MPDZ: variants seen among roughly 807,000 people sequenced by gnomAD.
The protein encoded by MPDZ is multiple PDZ domain crumbs cell polarity complex component, also known as multiple PDZ domain protein.
Under a neutral mutation model 239.1 loss-of-function variants are expected in MPDZ, and 234 were observed. The observed-to-expected ratio is 0.98, with a 90% confidence interval of 0.88 to 1.09. The LOEUF is 1.09. Among genes scored for constraint, MPDZ ranks in the 50% least tolerant of loss-of-function variants. MPDZ has a pLI of 0.00. For synonymous variants in MPDZ, 1,048 were observed against 881.3 expected (o/e 1.19, Z -3.35); for missense variants, 3,175 against 2,510.0 (o/e 1.26, Z -5.66).
rs2274648 is a variant in MPDZ at position 13,122,137 on chromosome 9, C to A, written c.4987G>T (p.Gly1663Ter). Reference protein sequence around the residue: ...AIIIHEVYEEGAACKDGRLWA... With the variant: ...AIIIHEVYEE ...AGTCTTCCATCTTTACATGCTGCTC[C>A]TTCTTCATAAACTTCATGGATAATA... The change falls in exon 37 of 47, where the codon GGA becomes TGA. Residue 1663 changes from glycine (G) to a stop codon, truncating the protein, a stop_gained. Coordinates refer to ENST00000319217, the MANE Select transcript of MPDZ (RefSeq NM_001378778.1). LOFTEE classifies it high-confidence loss of function. 1 of 1,614,016 alleles carries A rather than the reference C, an allele frequency of 6.2e-7. No individual in the cohort carries two copies. The highest frequency in any genetic ancestry group is 1.7e-5 in the Admixed American group (1 of 60,026).
chr9:13,276,955 G>A (rs1323620303), intron 1 of MPDZ, among the ~76,000 whole-genome samples: 2 of 152,140 alleles, frequency 1.3e-5, no homozygotes, highest in Non-Finnish European at 2.9e-5. Flanking sequence ...CACCCTAGCA[G>A]TTAAAAACTA....
intron 22 of MPDZ, among the ~76,000 whole-genome samples, chr9:13,166,472 A>G (rs1201280495): frequency 6.6e-6 from 1 of 152,122 alleles, no homozygotes; most frequent in Non-Finnish European, 1.5e-5. Flanking sequence ...TTAAGCTATA[A>G]GCATTTGAAT....
chr9:13,266,153 C>G (rs1444975183), intron 1 of MPDZ, among the ~76,000 whole-genome samples: 1 of 152,208 alleles, frequency 6.6e-6, no homozygotes, highest in Admixed American at 6.5e-5. Flanking sequence ...CCTTCCCCAA[C>G]CATCAGCGCC....
intron 31 of MPDZ, 177 bp downstream of exon 31, chr9:13,135,915 T>G: frequency 4.0e-6 from 2 of 503,922 alleles, no homozygotes; most frequent in East Asian, 6.3e-5. Flanking sequence ...TTCACATAAG[T>G]GGTATGCTTA....
At chr9:13,151,003 G>T (rs58794982) in intron 24 of MPDZ, among the ~76,000 whole-genome samples, 1 of 151,748 alleles carries the variant, frequency 6.6e-6, no homozygotes, top group African/African-American at 2.4e-5. Flanking sequence ...TAAAACATGG[G>T]CAAGTGTCTT....
At chr9:13,179,252 T>C (rs918863668) in intron 19 of MPDZ, among the ~76,000 whole-genome samples, 1 of 152,146 alleles carries the variant, frequency 6.6e-6, no homozygotes, top group East Asian at 1.9e-4. Flanking sequence ...ACTTTGATAA[T>C]TTTATTCTTA....
In MPDZ at chr9:13,110,744, C is replaced by T. The variant is rs1314386233; in HGVS notation, c.5725-4G>A. 2 of 1,609,514 alleles carry T rather than the reference C, an allele frequency of 1.2e-6. No individual in the cohort carries two copies. The highest frequency in any genetic ancestry group is 2.7e-5 in the African/African-American group (2 of 74,938). On this transcript the variant is annotated splice_region_variant and splice_polypyrimidine_tract_variant and intron_variant, in intron 43 of 46. Coordinates refer to ENST00000319217, the MANE Select transcript of MPDZ (RefSeq NM_001378778.1). ...TGGTGACAATCCTATCCCCAACCTG[C>T]AAGGGAGAGAAAGAAACAGCCATCT...
At chr9:13,204,534 T>C (rs1956776932) in intron 12 of MPDZ, among the ~76,000 whole-genome samples, 1 of 152,140 alleles carries the variant, frequency 6.6e-6, no homozygotes, top group Non-Finnish European at 1.5e-5. Flanking sequence ...GCAATTACCT[T>C]CCAAACCACT....
intron 5 of MPDZ, 102 bp downstream of exon 5, chr9:13,223,469 T>C: frequency 7.4e-7 from 1 of 1,353,290 alleles, no homozygotes; most frequent in Non-Finnish European, 9.8e-7. Flanking sequence ...TTATGTTCAA[T>C]TTTTTGTTGC....
chr9:13,251,192 C>T (rs1286086118), intron 1 of MPDZ, among the ~76,000 whole-genome samples: 1 of 147,670 alleles, frequency 6.8e-6, no homozygotes, highest in East Asian at 2.0e-4. Context: ...GACACTCAAG[C>T]AGTACCTGAA....
chr9:13,139,812 G>A lies in MPDZ; in HGVS notation c.4003+175C>T, dbSNP rs551841227. The A allele has an allele frequency of 1.9e-4, 136 of 724,156 alleles. No individual in the cohort carries two copies. The African/African-American group carries it at 2.1e-3, about 11-fold the overall frequency. The allele number at this position is 724,156 out of a possible 1,614,324, so 44.9% of individuals were successfully genotyped here. On this transcript the variant is annotated intron_variant, in intron 28 of 46. Transcript: ENST00000319217. ...AAGGAAAGGAAGAGCATGATTTCAT[G>A]CCTCAGGAATGTATGCTGTATTCAA...
intron 21 of MPDZ, among the ~76,000 whole-genome samples, chr9:13,172,229 C>T (rs1951863615): frequency 6.6e-6 from 1 of 152,140 alleles, no homozygotes; most frequent in South Asian, 2.1e-4. Context: ...ATCAAAACGC[C>T]AGGGAGAAAG....
chr9:13,119,825 C>G, intron 38 of MPDZ, 176 bp from the exon 39 acceptor site: 1 of 664,304 alleles, frequency 1.5e-6, no homozygotes, highest in South Asian at 1.9e-5. Flanking sequence ...TAAATAACAG[C>G]TTATGTCTTA....
At chr9:13,265,056 G>A (rs1025193048) in intron 1 of MPDZ, among the ~76,000 whole-genome samples, 2 of 152,204 alleles carry the variant, frequency 1.3e-5, no homozygotes, top group African/African-American at 2.4e-5. Flanking sequence ...ATGTGTCAAT[G>A]CCAAACTCCA....
At chr9:13,217,335 A>AAAAAAAC (rs752672043) in intron 8 of MPDZ, 41 bp from the exon 9 acceptor site, 1 of 1,284,290 alleles carries the variant, frequency 7.8e-7, no homozygotes, top group Non-Finnish European at 1.1e-6. Flanking sequence ...ATAATACGTA[A>AAAAAAAC]AAAAAACAAA....
chr9:13,121,866 G>A lies in MPDZ; in HGVS notation c.5104C>T (p.Gln1702Ter). ...EAINVLRQTPQRVRLTLYRDE... is the reference protein window; with the variant it reads ...EAINVLRQTP ...CTGTAGAGTGTCAGGCGCACTCTCT[G>A]TGGCGTCTGTCTCAGGACATTGATT... The change falls in exon 38 of 47, where the codon CAG becomes TAG. Residue 1702 changes from glutamine (Q) to a stop codon, truncating the protein, a stop_gained. Transcript: ENST00000319217. LOFTEE classifies it high-confidence loss of function. 1 of 1,613,828 alleles carries A rather than the reference G, an allele frequency of 6.2e-7. No homozygotes were observed. Among genetic ancestry groups the A allele is most frequent in the South Asian group, 1.1e-5 (1 of 91,078 alleles).
rs1028299171 is a variant in MPDZ at position 13,203,745 on chromosome 9, C to T, written c.1546+1291G>A. Among the ~76,000 whole-genome samples the T allele has an allele frequency of 4.5e-3, 681 of 150,708 alleles. 9 individuals are homozygous for T. Among genetic ancestry groups the T allele is most frequent in the African/African-American group, 0.015 (600 of 40,930 alleles). The stretch of plus-strand genomic sequence containing the variant: ...GTATCCTGCCACACACACACACACA[C>T]ACACACACACACACACACACACACA... On this transcript the variant is annotated intron_variant, in intron 12 of 46. Transcript: ENST00000319217.
intron 1 of MPDZ, among the ~76,000 whole-genome samples, chr9:13,276,044 C>G (rs1735499363): frequency 6.6e-6 from 1 of 152,176 alleles, no homozygotes; most frequent in Admixed American, 6.5e-5. Flanking sequence ...TTCCTAGAAT[C>G]CCTGTAACAT....
chr9:13,122,070 A>C lies in MPDZ; in HGVS notation c.5037+17T>G. ...TTTCTCTGTTAATTTTGAAGGTCAA[A>C]AACAGGCATTCTATACCTCTAAGAT... On this transcript the variant is annotated intron_variant, in intron 37 of 46. Coordinates refer to ENST00000319217, the MANE Select transcript of MPDZ (RefSeq NM_001378778.1). 1 of 1,613,320 alleles carries C rather than the reference A, an allele frequency of 6.2e-7. No individual in the cohort carries two copies. The highest frequency in any genetic ancestry group is 8.5e-7 in the Non-Finnish European group (1 of 1,179,352).
Sources: gnomAD v4.1 joint callset for allele counts (sites outside exome capture counted in the v4.1 genomes callset) on GRCh38, gnomAD v4.1.1 for gene constraint, MANE v1.5 for transcripts, NCBI Gene and HGNC (gene_info 2026-07-23, HGNC 2026-07-21) for gene names.